The following LRCH1 variants were observed in gnomAD, a reference collection of about 807,000 sequenced individuals.
The protein encoded by LRCH1 is leucine rich repeats and calponin homology domain containing 1, also known as leucine-rich repeat and calponin homology domain-containing protein 1.
A neutral mutation model predicts 94.9 loss-of-function variants in LRCH1; 23 were observed. The ratio of observed to expected loss-of-function variants is 0.24; its 90% CI spans 0.17 to 0.34. LRCH1 has a LOEUF of 0.34. Among genes scored for constraint, LRCH1 ranks in the 10% least tolerant of loss-of-function variants. The pLI is 1.00. For synonymous variants in LRCH1, 364 were observed against 354.9 expected, an observed-to-expected ratio of 1.03 and a Z score of -0.29; for missense variants, 790 against 945.9, an observed-to-expected ratio of 0.84 and a Z score of 2.16.
intron 5 of LRCH1, among the ~76,000 whole-genome samples, chr13:46,686,261 T>G (rs1041527668): frequency 1.3e-5 from 2 of 152,194 alleles, no homozygotes; most frequent in African/African-American, 4.8e-5. Context: ...TTTTTATGCT[T>G]ACAAAGTATG....
At chr13:46,694,155 T>C (rs894777819) in intron 8 of LRCH1, among the ~76,000 whole-genome samples, 2 of 152,238 alleles carry the variant, frequency 1.3e-5, no homozygotes, top group Admixed American at 1.3e-4. Context: ...AATAAAAGAA[T>C]TATGTAATTT....
chr13:46,633,393 C>T (rs74077043), intron 1 of LRCH1, among the ~76,000 whole-genome samples: 12,060 of 152,254 alleles, frequency 0.079, 576 homozygotes, highest in Middle Eastern at 0.15. Context: ...CAATTAAATT[C>T]TGCCCTGTAT....
At position 46,669,185 on chromosome 13, in the gene LRCH1, T is replaced by A. The variant is rs954583243; in HGVS notation, c.579+29T>A. On this transcript the variant is annotated intron_variant, in intron 3 of 19. Coordinates refer to ENST00000389797, the MANE Select transcript of LRCH1 (RefSeq NM_001164211.2). The stretch of plus-strand genomic sequence containing the variant: ...TGTTACCGATTTTTAAGATGCTCTT[T>A]TTTGTTGGTTGACTGATCATAGCCT... 4 of 1,610,334 alleles carry A rather than the reference T, an allele frequency of 2.5e-6. No individual in the cohort carries two copies. The Admixed American group carries it at 6.7e-5, about 27-fold the overall frequency.
At chr13:46,750,597 A>G (rs1360430530) in exon 19 of LRCH1, 8 of 1,552,106 alleles carry the variant, frequency 5.2e-6, no homozygotes, top group African/African-American at 4.1e-5. Context: ...CAAAGTGGGC[A>G]TTACCATTCA....
At chr13:46,717,805 AT>A (rs1168777791) in intron 16 of LRCH1, 3 of 151,952 alleles carry the variant, frequency 2.0e-5, no homozygotes, top group Non-Finnish European at 2.9e-5. Flanking sequence ...TTTTTTTAAA[AT>A]TCTTTCAAAT....
chr13:46,567,351 C>T (rs2050195152), intron 1 of LRCH1, among the ~76,000 whole-genome samples: 1 of 152,106 alleles, frequency 6.6e-6, no homozygotes, highest in South Asian at 2.1e-4. Context: ...AAGATTATGG[C>T]TAAAAAACAG....
At chr13:46,627,075 C>G (rs1052541701) in intron 1 of LRCH1, among the ~76,000 whole-genome samples, 13 of 152,138 alleles carry the variant, frequency 8.5e-5, no homozygotes, top group African/African-American at 2.4e-4. Flanking sequence ...CTGCTAGACT[C>G]AAGTTTGCAT....
Position 46,652,066 on chromosome 13 carries a change from T to G in LRCH1, c.452+1721T>G, listed in dbSNP as rs557478139. On this transcript the variant is annotated intron_variant, in intron 2 of 19. Coordinates refer to ENST00000389797, the MANE Select transcript of LRCH1 (RefSeq NM_001164211.2). ...CCAGGCCTGCTGATGTTTTTTTTTT[T>G]TTTTTTTTTGTTTTGTTTTGTTTGT... Among the ~76,000 whole-genome samples the G allele has an allele frequency of 7.1e-3, 954 of 133,614 alleles. 130 individuals are homozygous for G. The highest frequency in any genetic ancestry group is 0.026 in the African/African-American group (906 of 34,952). 87.7% of individuals were successfully genotyped at this position (133,614 alleles called of 152,430 possible). A position where few individuals can be genotyped will look rare whatever the true frequency, so the allele number is the denominator to read the frequency against.
chr13:46,606,958 G>C (rs140606843), intron 1 of LRCH1, among the ~76,000 whole-genome samples: 1 of 152,296 alleles, frequency 6.6e-6, no homozygotes, highest in East Asian at 1.9e-4. Context: ...CTATTTGGGT[G>C]AAGAGGAAGA....
chr13:46,601,582 T>C (rs2050629513), intron 1 of LRCH1, among the ~76,000 whole-genome samples: 1 of 152,244 alleles, frequency 6.6e-6, no homozygotes, highest in South Asian at 2.1e-4. Flanking sequence ...AATTTTTTCA[T>C]CAAATTCTTT....
intron 7 of LRCH1, 99 bp downstream of exon 7, chr13:46,689,295 A>C: frequency 1.2e-6 from 1 of 826,070 alleles, no homozygotes; most frequent in Non-Finnish European, 2.0e-6. Context: ...ATTCATTTGT[A>C]TATTCATGTG....
intron 1 of LRCH1, among the ~76,000 whole-genome samples, chr13:46,636,738 T>A (rs2051095760): frequency 6.6e-6 from 1 of 152,212 alleles, no homozygotes; most frequent in African/African-American, 2.4e-5. Flanking sequence ...AGTGGAGCAC[T>A]CCCTCCTCTT....
chr13:46,750,640 T>C (rs1874088404), exon 19 of LRCH1: 1 of 1,550,354 alleles, frequency 6.5e-7, no homozygotes, highest in Admixed American at 2.0e-5. Flanking sequence ...ACGAAGGCTC[T>C]GTTCACATGA....
chr13:46,738,277 T>A (rs990948745), intron 19 of LRCH1, among the ~76,000 whole-genome samples: 11 of 152,322 alleles, frequency 7.2e-5, no homozygotes, highest in Admixed American at 5.2e-4. Flanking sequence ...TCACTTGGCA[T>A]CCTTGAGCTT....
chr13:46,606,080 C>T (rs1594280462), intron 1 of LRCH1, among the ~76,000 whole-genome samples: 8 of 152,120 alleles, frequency 5.3e-5, no homozygotes, highest in Admixed American at 5.2e-4. Flanking sequence ...AGGAAAAGGA[C>T]TCAGGACAAT....
At chr13:46,606,733 G>A (rs2050692454) in intron 1 of LRCH1, among the ~76,000 whole-genome samples, 5 of 152,116 alleles carry the variant, frequency 3.3e-5, no homozygotes, top group Admixed American at 6.5e-5. Context: ...CACTACGCTC[G>A]GCCAATTTTT....
At chr13:46,573,415 G>C (rs2050262277) in intron 1 of LRCH1, among the ~76,000 whole-genome samples, 1 of 152,178 alleles carries the variant, frequency 6.6e-6, no homozygotes, top group Non-Finnish European at 1.5e-5. Flanking sequence ...ACAGCAAAGA[G>C]ATATCTGCAC....
chr13:46,567,927 A>G (rs2050202278), intron 1 of LRCH1, among the ~76,000 whole-genome samples: 2 of 152,190 alleles, frequency 1.3e-5, no homozygotes, highest in South Asian at 4.1e-4. Flanking sequence ...CAAAGACAGT[A>G]TAACTCAGCT....
At chr13:46,629,548 A>G (rs1337896998) in intron 1 of LRCH1, among the ~76,000 whole-genome samples, 1 of 152,188 alleles carries the variant, frequency 6.6e-6, no homozygotes, top group Non-Finnish European at 1.5e-5. Flanking sequence ...AGCAAGCCCC[A>G]GCATCCTCAG....
Sources: gnomAD v4.1 joint callset for allele counts (sites outside exome capture counted in the v4.1 genomes callset) on GRCh38, gnomAD v4.1.1 for gene constraint, MANE v1.5 for transcripts, NCBI Gene and HGNC (gene_info 2026-07-23, HGNC 2026-07-21) for gene names.